UTS2B: variants seen among roughly 807,000 people sequenced by gnomAD.
UTS2B encodes urotensin-2B.
A neutral mutation model predicts 19.2 loss-of-function variants in UTS2B; 21 were observed. That is an observed-to-expected ratio of 1.09 (90% confidence interval 0.78 to 1.58). UTS2B has a LOEUF of 1.58. Ranked by LOEUF, UTS2B falls within the 40% of genes most tolerant of loss-of-function variation. The pLI, the probability that UTS2B is intolerant of heterozygous loss-of-function variation, is 0.00. For missense variants in UTS2B, 138 were observed against 130.3 expected (o/e 1.06, Z -0.29); for synonymous variants, 57 against 50.2 (o/e 1.14, Z -0.58).
At chr3:191,326,337 G>A (rs1401613611) in intron 2 of UTS2B, among the ~76,000 whole-genome samples, 2 of 152,048 alleles carry the variant, frequency 1.3e-5, no homozygotes, top group Non-Finnish European at 2.9e-5. Flanking sequence ...TTACCTTCTA[G>A]TAAGGTAAGC....
At chr3:191,332,375 T>G (rs988376056), upstream of UTS2B, among the ~76,000 whole-genome samples, 3 of 152,160 alleles carry the variant, frequency 2.0e-5, no homozygotes, top group African/African-American at 7.2e-5. Flanking sequence ...AATGATTGAG[T>G]TCATATGTAG....
the UTS2B span, among the ~76,000 whole-genome samples, chr3:191,337,611 G>C: frequency 6.6e-6 from 1 of 151,904 alleles, no homozygotes; most frequent in Non-Finnish European, 1.5e-5. Context: ...CCAAAGTGCT[G>C]GGATTACAAG....
intron 3 of UTS2B, among the ~76,000 whole-genome samples, chr3:191,309,195 G>C (rs528666057): frequency 6.6e-6 from 1 of 151,986 alleles, no homozygotes. Flanking sequence ...ACGGAGTCTC[G>C]CTCTCGCCCA....
chr3:191,306,092 G>A (rs530504123), intron 3 of UTS2B, among the ~76,000 whole-genome samples: 5 of 152,092 alleles, frequency 3.3e-5, no homozygotes, highest in Non-Finnish European at 4.4e-5. Context: ...GTTTGAAGTC[G>A]CTGAGTGTGA....
At chr3:191,285,012 T>C (rs1352179782) in intron 4 of UTS2B, among the ~76,000 whole-genome samples, 2 of 152,154 alleles carry the variant, frequency 1.3e-5, no homozygotes, top group African/African-American at 2.4e-5. Context: ...AACTCACTGG[T>C]AGAAGTAAGT....
At chr3:191,290,604 T>C (rs1716686129) in intron 4 of UTS2B, among the ~76,000 whole-genome samples, 2 of 152,190 alleles carry the variant, frequency 1.3e-5, no homozygotes, top group South Asian at 4.1e-4. Context: ...TAGAAAATGA[T>C]TGCTCCAATA....
At chr3:191,310,406 C>T (rs1242489735) in intron 3 of UTS2B, among the ~76,000 whole-genome samples, 1 of 152,138 alleles carries the variant, frequency 6.6e-6, no homozygotes, top group Non-Finnish European at 1.5e-5. Context: ...AAAGGTCAAG[C>T]ACACTTAATG....
chr3:191,296,884 G>A (rs570474088), intron 4 of UTS2B, among the ~76,000 whole-genome samples: 31 of 152,294 alleles, frequency 2.0e-4, no homozygotes, highest in African/African-American at 7.5e-4. Flanking sequence ...GGAAATAACT[G>A]GCATTGAGCA....
chr3:191,314,311 C>T (rs1010511556), intron 3 of UTS2B, among the ~76,000 whole-genome samples: 3 of 152,168 alleles, frequency 2.0e-5, no homozygotes, highest in African/African-American at 4.8e-5. Context: ...CTGTCCTCTT[C>T]AGTACCCTAC....
the UTS2B span, among the ~76,000 whole-genome samples, chr3:191,338,996 C>T: frequency 1.0e-3 from 154 of 152,174 alleles, no homozygotes; most frequent in African/African-American, 3.6e-3. Flanking sequence ...GTGCTATTTT[C>T]TCTTTTAAAT....
chr3:191,342,543 G>A, the UTS2B span, among the ~76,000 whole-genome samples: 1 of 152,098 alleles, frequency 6.6e-6, no homozygotes, highest in Non-Finnish European at 1.5e-5. Context: ...TTCTTCCCCT[G>A]GTGTAAACTT....
rs980713169 is a variant in UTS2B at position 191,309,388 on chromosome 3, C to T, written c.-181-4840G>A. On this transcript the variant is annotated intron_variant, in intron 3 of 8. Coordinates refer to ENST00000340524, the MANE Select transcript of UTS2B (RefSeq NM_198152.5). Reference sequence around the variant, plus strand: ...TGAGGTTTCACCGTGTTAGCCAGGACGGTCTCGATCTCCTGACCTCGTGAT... The same window carrying T: ...TGAGGTTTCACCGTGTTAGCCAGGATGGTCTCGATCTCCTGACCTCGTGAT... Among the ~76,000 whole-genome samples, 50 of 151,524 alleles carry T rather than the reference C, an allele frequency of 3.3e-4. 1 individual carries two copies. The highest frequency in any genetic ancestry group is 1.0e-4 in the Non-Finnish European group (7 of 67,874).
intron 4 of UTS2B, among the ~76,000 whole-genome samples, chr3:191,302,844 C>T (rs1183959247): frequency 6.6e-6 from 1 of 152,176 alleles, no homozygotes; most frequent in Non-Finnish European, 1.5e-5. Flanking sequence ...CTGACCTTCT[C>T]TGTTCCCCTA....
chr3:191,335,902 C>T, the UTS2B span, among the ~76,000 whole-genome samples: 2 of 152,148 alleles, frequency 1.3e-5, no homozygotes, highest in South Asian at 2.1e-4. Flanking sequence ...CAGAACAGTT[C>T]CTAACCCCCA....
chr3:191,301,161 G>A (rs932534608), intron 4 of UTS2B, among the ~76,000 whole-genome samples: 2 of 152,036 alleles, frequency 1.3e-5, no homozygotes, highest in Non-Finnish European at 2.9e-5. Context: ...CTGTCTTTCC[G>A]GGTGGTGAAA....
At position 191,289,619 on chromosome 3, in the gene UTS2B, T is replaced by C. The variant is rs189112098; in HGVS notation, c.-124-7306A>G. ...TCAGTCATTTAAAAGAAGAAAATCC[T>C]CTCATTTGTGATAAAATATATAAGC... is the stretch of plus-strand genomic sequence containing the variant. On this transcript the variant is annotated intron_variant, in intron 4 of 8. Coordinates refer to ENST00000340524, the MANE Select transcript of UTS2B (RefSeq NM_198152.5). Among the ~76,000 whole-genome samples the C allele has an allele frequency of 7.6e-3, 1,161 of 152,146 alleles. 7 individuals carry two copies. The highest frequency in any genetic ancestry group is 0.012 in the Non-Finnish European group (817 of 67,992).
At chr3:191,286,721 G>A (rs1230329551) in intron 4 of UTS2B, among the ~76,000 whole-genome samples, 1 of 151,818 alleles carries the variant, frequency 6.6e-6, no homozygotes, top group Non-Finnish European at 1.5e-5. Context: ...GAAAACAAAC[G>A]TAGACGAAGC....
chr3:191,277,235 C>A (rs569059348), intron 6 of UTS2B, among the ~76,000 whole-genome samples: 1 of 152,076 alleles, frequency 6.6e-6, no homozygotes, highest in Non-Finnish European at 1.5e-5. Flanking sequence ...GAAGAAAATT[C>A]TCCAAAATAC....
chr3:191,276,867 G>GA (rs1576914191), intron 6 of UTS2B, 23 bp from the exon 7 acceptor site: 1 of 1,605,526 alleles, frequency 6.2e-7, no homozygotes, highest in Admixed American at 1.7e-5. Context: ...TTTGTCACAT[G>GA]AAAAAACGTA....
Sources: allele counts gnomAD v4.1 joint callset (sites outside exome capture counted in the v4.1 genomes callset), GRCh38; gene constraint gnomAD v4.1.1; transcripts MANE v1.5; gene names NCBI Gene and HGNC (gene_info 2026-07-23, HGNC 2026-07-21).